CAMK2B: variants seen among roughly 807,000 people sequenced by gnomAD.
CAMK2B encodes the protein calcium/calmodulin-dependent protein kinase type II subunit beta.
A neutral mutation model predicts 93.7 loss-of-function variants in CAMK2B; 27 were observed. The ratio of observed to expected loss-of-function variants is 0.29; its 90% CI spans 0.21 to 0.40. The LOEUF is 0.40. CAMK2B is among the 10% of genes least tolerant of loss of function. The probability of loss-of-function intolerance (pLI) is 1.00; values close to 1 mark genes in which losing one functional copy is unlikely to be tolerated. For missense variants in CAMK2B, 568 were observed against 895.8 expected (o/e 0.63, Z 4.67); for synonymous variants, 374 against 358.8 (o/e 1.04, Z -0.48).
rs1298953850 is a variant in CAMK2B at position 44,225,410 on chromosome 7, CCTT to C, written c.1597+1103_1597+1105del. On this transcript the variant is annotated intron_variant, in intron 20 of 23. Coordinates refer to ENST00000395749, the MANE Select transcript of CAMK2B (RefSeq NM_001220.5). This position sits in a 1 kb window ranked among gnomAD's most constrained non-coding sequence, Gnocchi z 5.0. Reference sequence around the variant, plus strand: ...CGGCGGCCCCTCCCCATGCCTCCCTCCTTGAGTTCTGGTCGCCCAGGCACCCCG... The same window carrying C: ...CGGCGGCCCCTCCCCATGCCTCCCTCGAGTTCTGGTCGCCCAGGCACCCCG... Among the ~76,000 whole-genome samples, 3 of 152,150 alleles carry C rather than the reference CCTT, an allele frequency of 2.0e-5. No individual in the cohort carries two copies. Among genetic ancestry groups the C allele is most frequent in the African/African-American group, 4.8e-5 (2 of 41,422 alleles).
At chr7:44,295,517 T>C (rs886718684) in intron 1 of CAMK2B, among the ~76,000 whole-genome samples, 1 of 152,180 alleles carries the variant, frequency 6.6e-6, no homozygotes, top group Non-Finnish European at 1.5e-5. Context: ...TAAACTGTAA[T>C]TGCCGAATTG....
intron 15 of CAMK2B, among the ~76,000 whole-genome samples, chr7:44,233,209 A>T (rs950224945): frequency 6.6e-6 from 1 of 152,014 alleles, no homozygotes; most frequent in East Asian, 1.9e-4. Context: ...GGTTCTCCCT[A>T]CCCTTTACTG....
intron 1 of CAMK2B, 178 bp downstream of exon 1, chr7:44,325,179 G>T: frequency 5.7e-6 from 1 of 175,068 alleles, no homozygotes; most frequent in Non-Finnish European, 1.1e-5. Flanking sequence ...AGGCAGCCAG[G>T]CCCGGGGCCG....
Position 44,225,572 on chromosome 7 carries a change from GCT to G in CAMK2B, c.1597+942_1597+943del, listed in dbSNP as rs1421830975. ...AGTACCCCTCCAGGGGCTGCCCCCT[GCT>G]CTCTCGGGCACCCAGGGTGGATCCA... On this transcript the variant is annotated intron_variant, in intron 20 of 23. Transcript: ENST00000395749. The surrounding 1 kb of genome is among the most constrained non-coding windows in gnomAD (Gnocchi z 5.0). Among the ~76,000 whole-genome samples, 1 of 152,004 alleles carries G rather than the reference GCT, an allele frequency of 6.6e-6. No individual in the cohort carries two copies. The highest frequency in any genetic ancestry group is 1.5e-5 in the Non-Finnish European group (1 of 67,958).
At chr7:44,281,719 A>G (rs940099516) in intron 2 of CAMK2B, among the ~76,000 whole-genome samples, 20 of 152,234 alleles carry the variant, frequency 1.3e-4, no homozygotes, top group Non-Finnish European at 2.5e-4. Flanking sequence ...GCCTTACTGG[A>G]CATCCCTCCT....
At chr7:44,309,323 C>T (rs1324354078) in intron 1 of CAMK2B, among the ~76,000 whole-genome samples, 1 of 152,176 alleles carries the variant, frequency 6.6e-6, no homozygotes, top group Non-Finnish European at 1.5e-5. Context: ...CCTGGCCTGA[C>T]GGGAGAAGGG....
chr7:44,228,395 CCTGGG>C (rs2096540658), intron 19 of CAMK2B, among the ~76,000 whole-genome samples: 1 of 152,112 alleles, frequency 6.6e-6, no homozygotes, highest in Non-Finnish European at 1.5e-5. Context: ...GAGTGCAGCT[CCTGGG>C]CACCATGGGC....
chr7:44,220,019 C>T, intron 23 of CAMK2B, 41 bp downstream of exon 23: 1 of 1,480,050 alleles, frequency 6.8e-7, no homozygotes, highest in Admixed American at 2.0e-5. Flanking sequence ...ACACCACCGC[C>T]ACCCCTCTGC....
At chr7:44,300,681 G>A (rs1314971577) in intron 1 of CAMK2B, among the ~76,000 whole-genome samples, 2 of 152,164 alleles carry the variant, frequency 1.3e-5, no homozygotes, top group African/African-American at 4.8e-5. Context: ...CACTATCATT[G>A]TTGGTGACTT....
chr7:44,305,430 G>A (rs1471679992), intron 1 of CAMK2B, among the ~76,000 whole-genome samples: 2 of 152,200 alleles, frequency 1.3e-5, no homozygotes, highest in Non-Finnish European at 2.9e-5. Flanking sequence ...GTTACAGTGA[G>A]TTATGATGCA....
Position 44,263,071 on chromosome 7 carries a change from G to C in CAMK2B, c.161-7C>G. Reference sequence around the variant, plus strand: ...CTCTCCAGCTTCTGGTGATCTGGGGGACAGGAAAAACAAGGCGTCACCTCC... The same window carrying C: ...CTCTCCAGCTTCTGGTGATCTGGGGCACAGGAAAAACAAGGCGTCACCTCC... On this transcript the variant is annotated splice_polypyrimidine_tract_variant and splice_region_variant and intron_variant, in intron 2 of 23. Transcript: ENST00000395749. 6.2e-7 allele frequency: 1 copy of C among 1,613,152 alleles called. No individual in the cohort carries two copies. Among genetic ancestry groups the C allele is most frequent in the East Asian group, 2.2e-5 (1 of 44,882 alleles).
intron 2 of CAMK2B, 41 bp from the exon 3 acceptor site, chr7:44,263,105 C>A: frequency 6.3e-7 from 1 of 1,594,028 alleles, no homozygotes; most frequent in South Asian, 1.1e-5. Flanking sequence ...CCTGCGCCAG[C>A]AACTGGTGGC....
Position 44,226,652 on chromosome 7 carries a change from G to A in CAMK2B, c.1469-8C>T, listed in dbSNP as rs749973906. The A allele has an allele frequency of 4.3e-5, 66 of 1,535,506 alleles. No individual in the cohort carries two copies. Among genetic ancestry groups the A allele is most frequent in the East Asian group, 7.8e-5 (3 of 38,228 alleles). On this transcript the variant is annotated splice_polypyrimidine_tract_variant and splice_region_variant and intron_variant, in intron 19 of 23. Coordinates refer to ENST00000395749, the MANE Select transcript of CAMK2B (RefSeq NM_001220.5). ...TGTCAGAGATCCTGGGGGCTGGGGCGGAACAGACGAGACGTGAACACAAGG... is the reference window on the plus strand; with the variant it reads ...TGTCAGAGATCCTGGGGGCTGGGGCAGAACAGACGAGACGTGAACACAAGG...
At chr7:44,268,650 C>G (rs1256397415) in intron 2 of CAMK2B, 1 of 152,432 alleles carries the variant, frequency 6.6e-6, no homozygotes, top group East Asian at 1.9e-4. Context: ...CAGCCATTCC[C>G]AGATCCACAG....
In CAMK2B at chr7:44,243,388, C is replaced by T. The variant is rs775979397; in HGVS notation, c.517+37G>A. ...CTGTCAGCATCACCTCCTGCCCTGC[C>T]AACTGCCAGCCAACACACCCTGCCC... On this transcript the variant is annotated intron_variant, in intron 7 of 23. Coordinates refer to ENST00000395749, the MANE Select transcript of CAMK2B (RefSeq NM_001220.5). 5.0e-6 allele frequency: 8 copies of T among 1,611,768 alleles called. No individual in the cohort carries two copies. The South Asian group carries it at 8.8e-5, about 18-fold the overall frequency.
intron 5 of CAMK2B, among the ~76,000 whole-genome samples, chr7:44,252,050 G>A (rs970193527): frequency 6.6e-6 from 1 of 152,190 alleles, no homozygotes; most frequent in Non-Finnish European, 1.5e-5. Context: ...GGCTGTGGGT[G>A]TGTGTGGGGT....
intron 2 of CAMK2B, among the ~76,000 whole-genome samples, chr7:44,277,846 G>C (rs1212122579): frequency 6.6e-6 from 1 of 152,000 alleles, no homozygotes; most frequent in Non-Finnish European, 1.5e-5. Context: ...TTGCTCTCTG[G>C]GTCCCCTCTC....
intron 2 of CAMK2B, among the ~76,000 whole-genome samples, chr7:44,281,524 G>A (rs546115485): frequency 8.5e-5 from 13 of 152,202 alleles, no homozygotes; most frequent in African/African-American, 2.4e-4. Flanking sequence ...CTGTGGTCCC[G>A]GTATGGCAGC....
chr7:44,263,073 C>G lies in CAMK2B; in HGVS notation c.161-9G>C. On this transcript the variant is annotated splice_polypyrimidine_tract_variant and intron_variant, in intron 2 of 23. Coordinates refer to ENST00000395749, the MANE Select transcript of CAMK2B (RefSeq NM_001220.5). ...CTCCAGCTTCTGGTGATCTGGGGGA[C>G]AGGAAAAACAAGGCGTCACCTCCTG... 1.2e-6 allele frequency: 2 copies of G among 1,613,006 alleles called. No individual in the cohort carries two copies. The highest frequency in any genetic ancestry group is 1.7e-6 in the Non-Finnish European group (2 of 1,179,440).
Sources: gnomAD v4.1 joint callset for allele counts (sites outside exome capture counted in the v4.1 genomes callset) on GRCh38, gnomAD v4.1.1 for gene constraint, Gnocchi (gnomAD v3.1) non-coding constraint, MANE v1.5 for transcripts, NCBI Gene and HGNC (gene_info 2026-07-23, HGNC 2026-07-21) for gene names.